ZC3H18: variants seen among roughly 807,000 people sequenced by gnomAD.
ZC3H18 encodes the protein zinc finger CCCH-type containing 18, also known as zinc finger CCCH domain-containing protein 18.
In ZC3H18, 8 loss-of-function variants were observed where a neutral mutation model predicts 106.1. The observed-to-expected ratio is 0.08, with a 90% CI of 0.04 to 0.14. The LOEUF (loss-of-function observed/expected upper bound fraction) is 0.14. Ranked by LOEUF, ZC3H18 falls within the 10% of genes least tolerant of loss-of-function variation. The pLI, the probability that ZC3H18 is intolerant of heterozygous loss-of-function variation, is 1.00. For synonymous variants in ZC3H18, 635 were observed against 522.1 expected (o/e 1.22, Z -2.95); for missense variants, 1,318 against 1,278.4 (o/e 1.03, Z -0.47).
chr16:88,628,326 C>G (rs770056706), intron 15 of ZC3H18, among the ~76,000 whole-genome samples: 2 of 152,186 alleles, frequency 1.3e-5, no homozygotes, highest in Admixed American at 1.3e-4. Context: ...TTGGGTGCTG[C>G]TGGCCTCTCT....
chr16:88,613,534 C>T (rs570484609), intron 8 of ZC3H18, among the ~76,000 whole-genome samples: 19 of 152,186 alleles, frequency 1.2e-4, no homozygotes, highest in Admixed American at 2.6e-4. Flanking sequence ...TGATGACAGC[C>T]GTCTTGGTGG....
chr16:88,587,445 T>A (rs1915501555), intron 3 of ZC3H18: 1 of 1,060,148 alleles, frequency 9.4e-7, no homozygotes, highest in Non-Finnish European at 1.4e-6. Flanking sequence ...GTTTTTCTCT[T>A]TTCTCTTAAT....
At chr16:88,600,530 C>T (rs1352456339) in intron 6 of ZC3H18, among the ~76,000 whole-genome samples, 2 of 152,226 alleles carry the variant, frequency 1.3e-5, no homozygotes, top group East Asian at 3.8e-4. Flanking sequence ...TCTCCTGCTT[C>T]AGCCTCCTGA....
intron 15 of ZC3H18, 69 bp from the exon 16 acceptor site, chr16:88,628,689 C>A: frequency 1.3e-6 from 2 of 1,556,028 alleles, no homozygotes; most frequent in Non-Finnish European, 1.8e-6. Flanking sequence ...GAACCCATGT[C>A]CTCTGGGGCG....
rs750639973 is a variant in ZC3H18 at position 88,587,533 on chromosome 16, C to T, written c.688+849C>T. ...AAGCTCACAAGAGCTTCCTGTACTT[C>T]TTTTCCAGATGTTGTGACACCATTA... is the stretch of plus-strand genomic sequence containing the variant. On this transcript the variant is annotated intron_variant, in intron 3 of 17. Coordinates refer to ENST00000301011, the MANE Select transcript of ZC3H18 (RefSeq NM_144604.4). 17 of 1,536,000 alleles carry T rather than the reference C, an allele frequency of 1.1e-5. 1 individual carries two copies. In the South Asian group the frequency reaches 2.0e-4, roughly 18 times the overall value.
rs567845905 is a variant in ZC3H18, at chr16:88,619,755, G to A, written c.1476-2442G>A. ...TCCACATGCTGTTACAGCTTCACCC[G>A]AAGAAGAGGTGGTCCTGACCACGCC... On this transcript the variant is annotated intron_variant, in intron 8 of 17. Transcript: ENST00000301011. Among the ~76,000 whole-genome samples the A allele has an allele frequency of 3.2e-3, 488 of 152,230 alleles. 7 individuals carry two copies. The highest frequency in any genetic ancestry group is 0.011 in the African/African-American group (469 of 41,530).
At chr16:88,621,832 C>T (rs1162041345) in intron 8 of ZC3H18, among the ~76,000 whole-genome samples, 1 of 152,186 alleles carries the variant, frequency 6.6e-6, no homozygotes, top group Non-Finnish European at 1.5e-5. Context: ...AGTATATCAG[C>T]ACTAGAGATA....
At position 88,577,449 on chromosome 16, in the gene ZC3H18, C is replaced by A. The variant is rs1296548235; in HGVS notation, c.326C>A (p.Thr109Lys). ...EEGDEGEEDR[T>K]SDLRDEASSV... Reference sequence around the variant, plus strand: ...GGGGACGAAGGGGAGGAAGACCGGACAAGCGACCTTAGGGATGAGGCCTCC... The same window carrying A: ...GGGGACGAAGGGGAGGAAGACCGGAAAAGCGACCTTAGGGATGAGGCCTCC... The change falls in exon 2 of 18, where the codon ACA (threonine) becomes AAA (lysine). Residue 109 changes from threonine to lysine, a missense_variant. Thr to Lys is a moderately conservative substitution (Grantham distance 78). Around this residue, in one of 6 missense-constraint regions of ZC3H18, gnomAD observed 346 missense variants for 269.0 expected, o/e 1.29. Coordinates refer to ENST00000301011, the MANE Select transcript of ZC3H18 (RefSeq NM_144604.4). 1.2e-6 allele frequency: 2 copies of A among 1,609,980 alleles called. No individual in the cohort carries two copies. Among genetic ancestry groups the A allele is most frequent in the African/African-American group, 2.7e-5 (2 of 74,822 alleles).
chr16:88,610,016 T>C (rs1358003499), intron 7 of ZC3H18, among the ~76,000 whole-genome samples: 1 of 152,076 alleles, frequency 6.6e-6, no homozygotes, highest in Non-Finnish European at 1.5e-5. Context: ...TGATCCCGTT[T>C]AGGATGTGGC....
chr16:88,592,115 C>G (rs1915792365), intron 3 of ZC3H18, among the ~76,000 whole-genome samples: 1 of 152,222 alleles, frequency 6.6e-6, no homozygotes, highest in Admixed American at 6.5e-5. Context: ...TCCACAGTGG[C>G]TGTGCCATTT....
intron 3 of ZC3H18, among the ~76,000 whole-genome samples, chr16:88,593,025 C>G (rs913560859): frequency 6.6e-6 from 1 of 152,146 alleles, no homozygotes; most frequent in South Asian, 2.1e-4. Context: ...TTATAAGTTA[C>G]GCACAGTAAG....
chr16:88,619,172 A>T (rs1905804903), intron 8 of ZC3H18, among the ~76,000 whole-genome samples: 1 of 152,028 alleles, frequency 6.6e-6, no homozygotes, highest in Non-Finnish European at 1.5e-5. Context: ...GATAATGTCC[A>T]ATGGGAGGCT....
intron 8 of ZC3H18, among the ~76,000 whole-genome samples, chr16:88,612,975 C>G (rs1373951033): frequency 6.6e-6 from 1 of 152,152 alleles, no homozygotes; most frequent in East Asian, 1.9e-4. Flanking sequence ...TGCACTCTAG[C>G]CTGGGTAATA....
Position 88,579,901 on chromosome 16 carries a change from G to C in ZC3H18, c.603+2175G>C, listed in dbSNP as rs528014110. On this transcript the variant is annotated intron_variant, in intron 2 of 17. Coordinates refer to ENST00000301011, the MANE Select transcript of ZC3H18 (RefSeq NM_144604.4). The stretch of plus-strand genomic sequence containing the variant: ...GCTGAGTGTGACTGGGCAGGGCGGA[G>C]CAGAGCCCGCTCCTGCTGTGGGGGC... Among the ~76,000 whole-genome samples the C allele has an allele frequency of 3.2e-3, 490 of 152,294 alleles. 4 individuals carry two copies. Among genetic ancestry groups the C allele is most frequent in the African/African-American group, 0.011 (463 of 41,562 alleles).
Position 88,628,686 on chromosome 16 carries a change from T to C in ZC3H18, c.2470-72T>C, listed in dbSNP as rs911729247. The C allele has an allele frequency of 3.9e-6, 6 of 1,541,742 alleles. No individual in the cohort carries two copies. The African/African-American group carries it at 8.2e-5, about 21-fold the overall frequency. On this transcript the variant is annotated intron_variant, in intron 15 of 17. Transcript: ENST00000301011. ...GAGCAGGTTGCTGGCAAGGAACCCA[T>C]GTCCTCTGGGGCGAGGACACGGCTT...
intron 3 of ZC3H18, among the ~76,000 whole-genome samples, chr16:88,597,779 A>G (rs1904516634): frequency 6.6e-6 from 1 of 152,204 alleles, no homozygotes; most frequent in Non-Finnish European, 1.5e-5. Context: ...CTTCTCATTG[A>G]TGTCTGTTTC....
In ZC3H18 at chr16:88,577,132, G is replaced by T. The variant is rs368362230; in HGVS notation, c.9G>T (p.Val3=). MD[V]AESPERDPHS... ...CAGAACCGTGGGTACCGATGGATGT[G>T]GCCGAGAGCCCTGAACGGGATCCTC... The change falls in exon 2 of 18, where the codon GTG becomes GTT. Residue 3 remains valine, a synonymous_variant. Transcript: ENST00000301011. The T allele has an allele frequency of 6.5e-7, 1 of 1,544,864 alleles. No homozygotes were observed. Among genetic ancestry groups the T allele is most frequent in the Non-Finnish European group, 8.7e-7 (1 of 1,143,726 alleles).
intron 13 of ZC3H18, chr16:88,625,941 G>A (rs1906283363): frequency 6.9e-6 from 1 of 144,568 alleles, no homozygotes; most frequent in Non-Finnish European, 1.5e-5. Flanking sequence ...TTCAACCTCA[G>A]CCCCCTGAGT....
At chr16:88,618,134 T>C (rs900603450) in intron 8 of ZC3H18, among the ~76,000 whole-genome samples, 1 of 152,042 alleles carries the variant, frequency 6.6e-6, no homozygotes, top group Non-Finnish European at 1.5e-5. Flanking sequence ...CCTGGCCTTC[T>C]GCACAAGTCA....
Sources: allele counts gnomAD v4.1 joint callset (sites outside exome capture counted in the v4.1 genomes callset), GRCh38; gene constraint gnomAD v4.1.1; regional missense constraint gnomAD v4.1.1; transcripts MANE v1.5; gene names NCBI Gene and HGNC (gene_info 2026-07-23, HGNC 2026-07-21).